The following NFXL1 variants were observed in gnomAD, a reference collection of about 807,000 sequenced individuals.
NFXL1 encodes nuclear transcription factor, X-box binding like 1, also known as NF-X1-type zinc finger protein NFXL1.
Under a neutral mutation model 123.3 loss-of-function variants are expected in NFXL1, and 66 were observed. The observed-to-expected ratio is 0.54, with a 90% CI of 0.44 to 0.66. The LOEUF (loss-of-function observed/expected upper bound fraction) is 0.66. Among genes scored for constraint, NFXL1 ranks in the 30% least tolerant of loss-of-function variants. The pLI is 0.00. For missense variants in NFXL1, 944 were observed against 1,125.6 expected, an observed-to-expected ratio of 0.84 and a Z score of 2.31; for synonymous variants, 346 against 360.8, an observed-to-expected ratio of 0.96 and a Z score of 0.46.
At chr4:47,893,528 C>A (rs1009018589) in intron 11 of NFXL1, among the ~76,000 whole-genome samples, 1 of 151,920 alleles carries the variant, frequency 6.6e-6, no homozygotes, top group Non-Finnish European at 1.5e-5. Context: ...AAAATGCAAG[C>A]TAAAAGATAG....
chr4:47,898,374 C>T (rs1204258825), intron 8 of NFXL1, among the ~76,000 whole-genome samples: 1 of 152,056 alleles, frequency 6.6e-6, no homozygotes, highest in Non-Finnish European at 1.5e-5. Context: ...TTCTAAGTGG[C>T]ATTAAAACCA....
Position 47,898,943 on chromosome 4 carries a change from G to T in NFXL1, c.988+16C>A, listed in dbSNP as rs1420589672. The T allele has an allele frequency of 1.9e-6, 3 of 1,613,348 alleles. No homozygotes were observed. Among genetic ancestry groups the T allele is most frequent in the South Asian group, 1.1e-5 (1 of 91,068 alleles). On this transcript the variant is annotated intron_variant, in intron 7 of 22. Transcript: ENST00000507489. ...TTGCTTAAAGTCAGAAAAATCTAAT[G>T]GGTATGGCCTTTTACCTGCATGACA...
At chr4:47,872,131 G>A (rs4695293) in intron 18 of NFXL1, among the ~76,000 whole-genome samples, 4,533 of 152,244 alleles carry the variant, frequency 0.03, 249 homozygotes, top group African/African-American at 0.1. Flanking sequence ...AGCAACGCTT[G>A]TAATAAAGGC....
rs758602078 is a variant in NFXL1, at chr4:47,851,862, T to C, written c.2502A>G (p.Ala834=). Residue 834 remains alanine (A), a synonymous_variant, in exon 21 of 23, where the codon GCA becomes GCG. Coordinates refer to ENST00000507489, the MANE Select transcript of NFXL1 (RefSeq NM_001278624.2). The part of the protein sequence containing the change: ...DTTCKEMKRK[A]SEIKEAEAKA... ...ATATTTAACGAGACATTACCTCAGA[T>C]GCTTTCCGCTTCATTTCCTTGCACG... is the stretch of plus-strand genomic sequence containing the variant. The C allele has an allele frequency of 1.9e-6, 3 of 1,598,830 alleles. No homozygotes were observed. The highest frequency in any genetic ancestry group is 2.6e-6 in the Non-Finnish European group (3 of 1,166,840).
chr4:47,854,436 GA>G (rs1734289570), intron 20 of NFXL1, among the ~76,000 whole-genome samples: 1 of 152,032 alleles, frequency 6.6e-6, no homozygotes. Context: ...AGACTATTAG[GA>G]CAGTATATTT....
chr4:47,865,819 A>G (rs552377782), intron 18 of NFXL1, among the ~76,000 whole-genome samples: 1 of 152,228 alleles, frequency 6.6e-6, no homozygotes, highest in East Asian at 1.9e-4. Flanking sequence ...GTTCGAGACC[A>G]GCCTTGGCAA....
intron 19 of NFXL1, among the ~76,000 whole-genome samples, chr4:47,860,657 T>G (rs549998264): frequency 5.9e-5 from 9 of 152,174 alleles, no homozygotes; most frequent in Non-Finnish European, 1.2e-4. Flanking sequence ...TATCAGTACA[T>G]CAGAATTTAC....
intron 10 of NFXL1, among the ~76,000 whole-genome samples, chr4:47,896,152 C>A (rs1203891006): frequency 6.6e-6 from 1 of 152,044 alleles, no homozygotes; most frequent in East Asian, 1.9e-4. Context: ...GATCACTGAT[C>A]ACAGGTTATC....
Position 47,859,863 on chromosome 4 carries a change from A to AAAAC in NFXL1, c.2316+2982_2316+2983insGTTT, listed in dbSNP as rs1560581970. Among the ~76,000 whole-genome samples the AAAAC allele has an allele frequency of 2.4e-3, 113 of 47,936 alleles. 1 individual carries two copies. Among genetic ancestry groups the AAAAC allele is most frequent in the African/African-American group, 7.8e-3 (106 of 13,588 alleles). The allele number at this position is 47,936 out of a possible 152,430, so 31.4% of individuals were successfully genotyped here. ...TCTCAAAAAAAAAAAAAAAAAAAAA[A>AAAAC]AAAAAAACAAACAAACAAAAAAAGT... On this transcript the variant is annotated intron_variant, in intron 19 of 22. Coordinates refer to ENST00000507489, the MANE Select transcript of NFXL1 (RefSeq NM_001278624.2).
At chr4:47,884,219 G>T in intron 15 of NFXL1, 127 bp downstream of exon 15, 2 of 556,260 alleles carry the variant, frequency 3.6e-6, no homozygotes, top group Non-Finnish European at 6.5e-6. Flanking sequence ...AGACACACTA[G>T]TTGATAGGCT....
intron 3 of NFXL1, among the ~76,000 whole-genome samples, chr4:47,909,347 T>C (rs1219816349): frequency 6.6e-6 from 1 of 152,180 alleles, no homozygotes; most frequent in Non-Finnish European, 1.5e-5. Context: ...TCTAGTCTCC[T>C]CAGAATTTTC....
At chr4:47,883,932 C>G (rs905160697) in intron 15 of NFXL1, among the ~76,000 whole-genome samples, 3 of 152,222 alleles carry the variant, frequency 2.0e-5, no homozygotes, top group African/African-American at 7.2e-5. Context: ...ACTACTTCCT[C>G]TCATTTCCAA....
chr4:47,852,226 T>C (rs940087050), intron 20 of NFXL1: 26 of 314,668 alleles, frequency 8.3e-5, no homozygotes, highest in African/African-American at 5.3e-4. Context: ...TTTTATTCTT[T>C]ACTTTTCTTT....
In NFXL1 at chr4:47,899,116, G is replaced by A; in HGVS notation, c.831C>T (p.Pro277=). ...HKCLLLCHPG[P]CPPCPKMVTT... is the part of the protein sequence containing the mutation. ...TGACCATCTTTGGACAAGGAGGGCA[G>A]GGACCTAGAATTCAGTAAAAGCAAA... The change falls in exon 7 of 23, where the codon CCC becomes CCT. Residue 277 remains proline (P), a synonymous_variant. Transcript: ENST00000507489. 6.4e-7 allele frequency: 1 copy of A among 1,573,604 alleles called. No individual in the cohort carries two copies. Among genetic ancestry groups the A allele is most frequent in the South Asian group, 1.2e-5 (1 of 85,686 alleles).
At position 47,898,768 on chromosome 4, in the gene NFXL1, G is replaced by A; in HGVS notation, c.1078C>T (p.His360Tyr). The change falls in exon 8 of 23, where the codon CAC (histidine) becomes TAC (tyrosine). Residue 360 changes from histidine (H) to tyrosine (Y), a missense_variant. His to Tyr is a moderately conservative substitution (Grantham distance 83). Transcript: ENST00000507489. ...GCATATAAACTTACTTGATCACAGT[G>A]CCATAGTGGACTTGCACAACTTCTT... ...AERSCASPLW[H>Y]CDQVCGKTLP... The A allele has an allele frequency of 6.4e-7, 1 of 1,572,906 alleles. No homozygotes were observed. The highest frequency in any genetic ancestry group is 8.8e-7 in the Non-Finnish European group (1 of 1,142,566).
At chr4:47,896,149 G>T (rs1367421885) in intron 10 of NFXL1, among the ~76,000 whole-genome samples, 1 of 152,138 alleles carries the variant, frequency 6.6e-6, no homozygotes, top group African/African-American at 2.4e-5. Flanking sequence ...AAAGATCACT[G>T]ATCACAGGTT....
chr4:47,910,422 C>T (rs535242603), intron 3 of NFXL1, among the ~76,000 whole-genome samples: 80 of 152,160 alleles, frequency 5.3e-4, no homozygotes, highest in African/African-American at 1.6e-3. Flanking sequence ...AAAAAGACTT[C>T]AAGACGCATT....
intron 11 of NFXL1, among the ~76,000 whole-genome samples, chr4:47,891,524 GTGTCTGTGA>G (rs1560598014): frequency 6.6e-6 from 1 of 152,034 alleles, no homozygotes; most frequent in African/African-American, 2.4e-5. Flanking sequence ...AGACACTTCC[GTGTCTGTGA>G]GAAATATAGC....
Position 47,878,521 on chromosome 4 carries a change from T to C in NFXL1, c.2079+4A>G. On this transcript the variant is annotated splice_donor_region_variant and intron_variant, in intron 17 of 22. Coordinates refer to ENST00000507489, the MANE Select transcript of NFXL1 (RefSeq NM_001278624.2). ...CAGATATACATTCAATCTAAGAACA[T>C]TACCTTGTTTTTTCCAGTGCAGCCA... 6.4e-7 allele frequency: 1 copy of C among 1,567,714 alleles called. No homozygotes were observed. Among genetic ancestry groups the C allele is most frequent in the African/African-American group, 1.4e-5 (1 of 72,740 alleles).
Sources: gnomAD v4.1 joint callset for allele counts (sites outside exome capture counted in the v4.1 genomes callset) on GRCh38, gnomAD v4.1.1 for gene constraint, MANE v1.5 for transcripts, NCBI Gene and HGNC (gene_info 2026-07-23, HGNC 2026-07-21) for gene names.